SPHKAP: variants seen among roughly 807,000 people sequenced by gnomAD.
SPHKAP encodes SPHK1 interactor, AKAP domain containing.
In SPHKAP, 67 loss-of-function variants were observed where a neutral mutation model predicts 137.5. The observed-to-expected ratio is 0.49, with a 90% CI of 0.40 to 0.60. The LOEUF is 0.60. Among genes scored for constraint, SPHKAP ranks in the 20% least tolerant of loss-of-function variants. The pLI, the probability that SPHKAP is intolerant of heterozygous loss-of-function variation, is 0.00. For missense variants in SPHKAP, 2,097 were observed against 2,069.3 expected (o/e 1.01, Z -0.26); for synonymous variants, 813 against 785.3 (o/e 1.04, Z -0.59).
At chr2:228,028,296 T>C (rs1177136563) in intron 3 of SPHKAP, among the ~76,000 whole-genome samples, 2 of 152,254 alleles carry the variant, frequency 1.3e-5, no homozygotes, top group East Asian at 3.8e-4. Context: ...ACTTTTAATG[T>C]AGTGCATAAT....
chr2:227,990,634 C>T (rs560144044), intron 11 of SPHKAP, among the ~76,000 whole-genome samples: 62 of 152,250 alleles, frequency 4.1e-4, no homozygotes, highest in African/African-American at 1.4e-3. Context: ...TCAGTGTGGC[C>T]TCACTTTGGT....
At chr2:228,078,691 C>A (rs768948166) in intron 3 of SPHKAP, among the ~76,000 whole-genome samples, 1 of 152,044 alleles carries the variant, frequency 6.6e-6, no homozygotes, top group Non-Finnish European at 1.5e-5. Context: ...CCCCATGTAG[C>A]AGAGAAATAA....
At chr2:228,128,246 T>G (rs1285657417) in intron 2 of SPHKAP, among the ~76,000 whole-genome samples, 1 of 152,194 alleles carries the variant, frequency 6.6e-6, no homozygotes, top group Non-Finnish European at 1.5e-5. Flanking sequence ...TCAATTAAGT[T>G]TACGTAATAT....
chr2:228,154,508 C>CTA (rs1331355468), intron 1 of SPHKAP, among the ~76,000 whole-genome samples: 516 of 34,430 alleles, frequency 0.015, 6 homozygotes, highest in East Asian at 0.026. Context: ...CTCTCTCTCT[C>CTA]TCTCTATATA....
Position 228,045,564 on chromosome 2 carries a change from C to T in SPHKAP, c.247-18021G>A, listed in dbSNP as rs375856708. On this transcript the variant is annotated intron_variant, in intron 3 of 11. Coordinates refer to ENST00000392056, the MANE Select transcript of SPHKAP (RefSeq NM_001142644.2). ...ATTGAACAATGAGAACACATGGACA[C>T]ACGAAGGGGAACATCACACAGCGGG... Among the ~76,000 whole-genome samples, 12 of 151,878 alleles carry T rather than the reference C, an allele frequency of 7.9e-5. No homozygotes were observed. In the East Asian group the frequency reaches 1.2e-3, roughly 15 times the overall value.
At chr2:228,168,738 A>C (rs1700491599) in intron 1 of SPHKAP, among the ~76,000 whole-genome samples, 1 of 152,180 alleles carries the variant, frequency 6.6e-6, no homozygotes, top group South Asian at 2.1e-4. Flanking sequence ...GAAAAGTCAC[A>C]CATATCTCAC....
intron 3 of SPHKAP, among the ~76,000 whole-genome samples, chr2:228,078,325 G>A (rs915083243): frequency 8.6e-5 from 13 of 151,002 alleles, no homozygotes; most frequent in African/African-American, 3.2e-4. Flanking sequence ...ACACAGAGAA[G>A]TAGTATTTAT....
intron 8 of SPHKAP, among the ~76,000 whole-genome samples, chr2:227,995,277 G>T (rs757014216): frequency 1.2e-4 from 19 of 152,278 alleles, no homozygotes; most frequent in Middle Eastern, 6.8e-3. Context: ...GCAGGGAAGG[G>T]AACACAGCTC....
chr2:228,144,541 C>T (rs574780015), intron 1 of SPHKAP, among the ~76,000 whole-genome samples: 3 of 151,776 alleles, frequency 2.0e-5, no homozygotes, highest in Non-Finnish European at 4.4e-5. Context: ...TTTTTTCTTG[C>T]CCCTTTCTAT....
intron 3 of SPHKAP, among the ~76,000 whole-genome samples, chr2:228,089,235 GC>G (rs1257141513): frequency 1.3e-5 from 2 of 152,222 alleles, no homozygotes; most frequent in African/African-American, 4.8e-5. Context: ...CACTTGTTAT[GC>G]CCTAGCAAAG....
chr2:228,161,702 T>TAAAAC (rs66567035), intron 1 of SPHKAP, among the ~76,000 whole-genome samples: 93,223 of 151,212 alleles, frequency 0.62, 29,207 homozygotes, highest in African/African-American at 0.72. Context: ...GAACTAAAAA[T>TAAAAC]AGAACAAAAT....
chr2:228,004,076 A>C (rs956211015), intron 7 of SPHKAP, among the ~76,000 whole-genome samples: 3 of 152,204 alleles, frequency 2.0e-5, no homozygotes, highest in Non-Finnish European at 4.4e-5. Flanking sequence ...CTGGCCTCAT[A>C]AAATGAGTTA....
At chr2:228,109,513 G>A (rs1698449880) in intron 2 of SPHKAP, 4 of 277,246 alleles carry the variant, frequency 1.4e-5, no homozygotes, top group Non-Finnish European at 2.2e-5. Context: ...GCACGGTATG[G>A]CAAAAATAAT....
At chr2:228,062,433 C>T (rs1696681728) in intron 3 of SPHKAP, among the ~76,000 whole-genome samples, 1 of 152,082 alleles carries the variant, frequency 6.6e-6, no homozygotes, top group African/African-American at 2.4e-5. Flanking sequence ...CCGGCCTCCC[C>T]AGACCTCTTT....
At chr2:228,070,849 C>A (rs1164974580) in intron 3 of SPHKAP, among the ~76,000 whole-genome samples, 1 of 152,090 alleles carries the variant, frequency 6.6e-6, no homozygotes, top group Admixed American at 6.5e-5. Context: ...CTCAAAGGTC[C>A]TTATGACACC....
At chr2:227,998,068 A>G (rs1216647759) in intron 7 of SPHKAP, among the ~76,000 whole-genome samples, 2 of 152,162 alleles carry the variant, frequency 1.3e-5, no homozygotes, top group Non-Finnish European at 2.9e-5. Flanking sequence ...GTGCAGTAGC[A>G]TGATCTCAGC....
chr2:228,134,237 GAA>G (rs1699364436), intron 1 of SPHKAP, among the ~76,000 whole-genome samples: 4 of 68,818 alleles, frequency 5.8e-5, no homozygotes, highest in East Asian at 2.4e-4. Context: ...AGGGAGGGAG[GAA>G]GGAAGGAAGG....
intron 3 of SPHKAP, among the ~76,000 whole-genome samples, chr2:228,090,935 C>T (rs1324574723): frequency 6.6e-6 from 1 of 152,146 alleles, no homozygotes; most frequent in Admixed American, 6.5e-5. Flanking sequence ...TGATAAATTA[C>T]CCAGTCTCAG....
At chr2:228,002,714 G>A (rs991755375) in intron 7 of SPHKAP, among the ~76,000 whole-genome samples, 10 of 152,140 alleles carry the variant, frequency 6.6e-5, no homozygotes, top group African/African-American at 2.2e-4. Context: ...TAACATGTAA[G>A]TCTTTAATCC....
Sources: allele counts gnomAD v4.1 joint callset (sites outside exome capture counted in the v4.1 genomes callset), GRCh38; gene constraint gnomAD v4.1.1; transcripts MANE v1.5; gene names NCBI Gene and HGNC (gene_info 2026-07-23, HGNC 2026-07-21).